The following MDGA1 variants were observed in gnomAD, a reference collection of about 807,000 sequenced individuals.
MDGA1 encodes the protein MAM domain containing glycosylphosphatidylinositol anchor 1, also known as MAM domain-containing glycosylphosphatidylinositol anchor protein 1.
In MDGA1, 54 loss-of-function variants were observed where a neutral mutation model predicts 101.5. That is an observed-to-expected ratio of 0.53 (90% CI 0.43 to 0.67). MDGA1 has a LOEUF of 0.67. MDGA1 is among the 30% of genes least tolerant of loss of function. MDGA1 has a pLI of 0.00. For synonymous variants in MDGA1, 533 were observed against 558.3 expected, an observed-to-expected ratio of 0.95 and a Z score of 0.64; for missense variants, 1,083 against 1,323.8, an observed-to-expected ratio of 0.82 and a Z score of 2.82.
chr6:37,689,924 T>C (rs1762274238), intron 1 of MDGA1, among the ~76,000 whole-genome samples: 1 of 152,012 alleles, frequency 6.6e-6, no homozygotes, highest in Non-Finnish European at 1.5e-5. Context: ...GCCAGAGAGG[T>C]TCTATTAAAA....
Position 37,655,472 on chromosome 6 carries a change from C to A in MDGA1, c.579+228G>T. ...GTGCCTTTTCCTAACTAGCAATGTTCCTGGAGGACATGTTGCCTCGGGGAC... is the reference window on the plus strand; with the variant it reads ...GTGCCTTTTCCTAACTAGCAATGTTACTGGAGGACATGTTGCCTCGGGGAC... On this transcript the variant is annotated intron_variant, in intron 4 of 16. Transcript: ENST00000434837. This position sits in a 1 kb window ranked among gnomAD's most constrained non-coding sequence, Gnocchi z 5.1. The A allele has an allele frequency of 2.0e-6, 1 of 489,872 alleles. No individual in the cohort carries two copies. The highest frequency in any genetic ancestry group is 3.5e-5 in the East Asian group (1 of 28,728). 30.3% of individuals were successfully genotyped at this position (489,872 alleles called of 1,614,324 possible).
chr6:37,645,821 A>G (rs1761179978), intron 12 of MDGA1, 112 bp downstream of exon 12: 2 of 1,265,078 alleles, frequency 1.6e-6, no homozygotes, highest in Admixed American at 3.8e-5. Flanking sequence ...ACACAGGGGG[A>G]ATTCATTTTC....
chr6:37,665,139 C>T (rs1761719151), intron 1 of MDGA1, among the ~76,000 whole-genome samples: 1 of 152,114 alleles, frequency 6.6e-6, no homozygotes, highest in African/African-American at 2.4e-5. Context: ...AATGACTGAA[C>T]TTGCCAAGGT....
At chr6:37,663,177 C>G (rs1761665979) in intron 2 of MDGA1, among the ~76,000 whole-genome samples, 1 of 152,162 alleles carries the variant, frequency 6.6e-6, no homozygotes, top group Admixed American at 6.5e-5. Context: ...TCCCTTCAGC[C>G]CACCTCCTCC....
At chr6:37,648,788 G>A (rs1385879173) in intron 9 of MDGA1, among the ~76,000 whole-genome samples, 194 bp downstream of exon 9, 1 of 152,226 alleles carries the variant, frequency 6.6e-6, no homozygotes, top group African/African-American at 2.4e-5. Flanking sequence ...CCCAGGTTGG[G>A]ATCCGAGTGG....
In MDGA1 at chr6:37,632,767, G is replaced by T; in HGVS notation, c.*4601C>A. Reference sequence around the variant, plus strand: ...TGGGCTGGGGTGGTCAGACATGTGGGCCTGGGCATGAGGAGTTTTGGCTTT... The same window carrying T: ...TGGGCTGGGGTGGTCAGACATGTGGTCCTGGGCATGAGGAGTTTTGGCTTT... On this transcript the variant is annotated 3_prime_UTR_variant, in exon 17 of 17. Transcript: ENST00000434837. 6.5e-6 allele frequency: 1 copy of T among 152,866 alleles called. No individual in the cohort carries two copies. Among genetic ancestry groups the T allele is most frequent in the Middle Eastern group, 3.2e-3 (1 of 312 alleles). 9.5% of individuals were successfully genotyped at this position (152,866 alleles called of 1,614,324 possible).
chr6:37,650,209 T>TCGCTCCAGC lies in MDGA1; in HGVS notation c.1500_1508dup (p.Leu501_Arg503dup). ...AGGTCCCGCTCATGTCTCGGCTCAC[T>TCGCTCCAGC]CGCTCCAGCCGCAGCTTCCCGTCCG... On this transcript the variant is annotated inframe_insertion, in exon 8 of 17. Coordinates refer to ENST00000434837, the MANE Select transcript of MDGA1 (RefSeq NM_153487.4). 1 of 1,612,254 alleles carries TCGCTCCAGC rather than the reference T, an allele frequency of 6.2e-7. No homozygotes were observed.
intron 1 of MDGA1, among the ~76,000 whole-genome samples, chr6:37,671,398 A>G (rs1376769171): frequency 3.3e-5 from 5 of 152,166 alleles, no homozygotes; most frequent in African/African-American, 1.2e-4. Flanking sequence ...ATTAGTGGAG[A>G]AAAGCTTAAT....
Position 37,644,649 on chromosome 6 carries a change from T to C in MDGA1, c.2249A>G (p.Asp750Gly), listed in dbSNP as rs772803184. 48 of 1,574,998 alleles carry C rather than the reference T, an allele frequency of 3.0e-5. 1 individual carries two copies. The highest frequency in any genetic ancestry group is 3.4e-4 in the Middle Eastern group (2 of 5,934). ...TEPINSPNLS[D>G]NTCHFEDEKI... ...CTCATCCTCAAAGTGGCAGGTGTTGTCTGCATTTTATGGGGCGAATGAGAC... is the reference window on the plus strand; with the variant it reads ...CTCATCCTCAAAGTGGCAGGTGTTGCCTGCATTTTATGGGGCGAATGAGAC... The change falls in exon 13 of 17, where the codon GAC becomes GGC. Residue 750 changes from aspartate (D) to glycine (G), a missense_variant and splice_region_variant. Physicochemically the swap from Asp to Gly is moderately conservative, Grantham distance 94. This residue lies in a region of MDGA1 where 657 missense variants were observed against 771.4 expected (regional missense o/e 0.85). Coordinates refer to ENST00000434837, the MANE Select transcript of MDGA1 (RefSeq NM_153487.4).
chr6:37,653,340 G>C (rs952452061), intron 6 of MDGA1, among the ~76,000 whole-genome samples: 2 of 152,212 alleles, frequency 1.3e-5, no homozygotes, highest in Non-Finnish European at 2.9e-5. Context: ...TTCTTGCTCT[G>C]ATTAAGTAAA....
intron 2 of MDGA1, among the ~76,000 whole-genome samples, chr6:37,661,647 C>T (rs1761626261): frequency 6.6e-6 from 1 of 152,120 alleles, no homozygotes; most frequent in Non-Finnish European, 1.5e-5. Flanking sequence ...GATGGGGAGG[C>T]AAGTCTGACT....
At position 37,631,508 on chromosome 6, in the gene MDGA1, G is replaced by A. The variant is rs1012149646; in HGVS notation, c.*5860C>T. ...CAGTTTCCCCATCTGGAACATGGAA[G>A]TGAAACTGCCCAATCGACCTACCTG... is the stretch of plus-strand genomic sequence containing the variant. On this transcript the variant is annotated 3_prime_UTR_variant, in exon 17 of 17. Transcript: ENST00000434837. The A allele has an allele frequency of 1.3e-5, 2 of 152,232 alleles. No homozygotes were observed. The highest frequency in any genetic ancestry group is 4.8e-5 in the African/African-American group (2 of 41,462). 9.4% of individuals were successfully genotyped at this position (152,232 alleles called of 1,614,324 possible).
intron 1 of MDGA1, among the ~76,000 whole-genome samples, chr6:37,695,564 C>T (rs1169694460): frequency 6.6e-6 from 1 of 152,222 alleles, no homozygotes; most frequent in Non-Finnish European, 1.5e-5. Flanking sequence ...CAGGACACCC[C>T]TTCTTCTTGC....
rs1053661071 is a variant in MDGA1 at position 37,636,227 on chromosome 6, G to C, written c.*1141C>G. 1.3e-5 allele frequency: 2 copies of C among 152,798 alleles called. No individual in the cohort carries two copies. Among genetic ancestry groups the C allele is most frequent in the Non-Finnish European group, 2.9e-5 (2 of 68,476 alleles). The allele number at this position is 152,798 out of a possible 1,614,324, so 9.5% of individuals were successfully genotyped here. Reference sequence around the variant, plus strand: ...AGGGATCCCTTTCACAGCTCCCAGAGAGTGAGGGGACTGGCACCTGCTCCC... The same window carrying C: ...AGGGATCCCTTTCACAGCTCCCAGACAGTGAGGGGACTGGCACCTGCTCCC... On this transcript the variant is annotated 3_prime_UTR_variant, in exon 17 of 17. Transcript: ENST00000434837.
Position 37,655,340 on chromosome 6 carries a change from G to A in MDGA1, c.579+360C>T. ...ATCTCCTGGGACTATCAGGGCCCATGGGAAGAGGAGTCATCTCCTCGCCCC... is the reference window on the plus strand; with the variant it reads ...ATCTCCTGGGACTATCAGGGCCCATAGGAAGAGGAGTCATCTCCTCGCCCC... On this transcript the variant is annotated intron_variant, in intron 4 of 16. Coordinates refer to ENST00000434837, the MANE Select transcript of MDGA1 (RefSeq NM_153487.4). The surrounding 1 kb of genome is among the most constrained non-coding windows in gnomAD (Gnocchi z 5.1). 2 of 332,836 alleles carry A rather than the reference G, an allele frequency of 6.0e-6. No individual in the cohort carries two copies. Among genetic ancestry groups the A allele is most frequent in the East Asian group, 1.2e-4 (2 of 16,078 alleles). The allele number at this position is 332,836 out of a possible 1,614,324, so 20.6% of individuals were successfully genotyped here.
rs554282718 is a variant in MDGA1 at position 37,689,282 on chromosome 6, C to T, written c.67+7463G>A. Among the ~76,000 whole-genome samples, 3 of 152,344 alleles carry T rather than the reference C, an allele frequency of 2.0e-5. No homozygotes were observed. In the South Asian group the frequency reaches 6.2e-4, roughly 32 times the overall value. ...TTTTATTCCACCTCATGGTTTCAAC[C>T]CACATCCTTCTGCAGACATAAATCC... On this transcript the variant is annotated intron_variant, in intron 1 of 16. Coordinates refer to ENST00000434837, the MANE Select transcript of MDGA1 (RefSeq NM_153487.4).
At position 37,678,018 on chromosome 6, in the gene MDGA1, C is replaced by T. The variant is rs1408330941; in HGVS notation, c.68-13912G>A. Among the ~76,000 whole-genome samples, 7 of 152,170 alleles carry T rather than the reference C, an allele frequency of 4.6e-5. No homozygotes were observed. The South Asian group carries it at 1.4e-3, about 32-fold the overall frequency. ...CCTCCAGGCCAGGCCTTGGCTTCTA[C>T]CCAGGAGACCACAGGAAAATTAGCT... On this transcript the variant is annotated intron_variant, in intron 1 of 16. Coordinates refer to ENST00000434837, the MANE Select transcript of MDGA1 (RefSeq NM_153487.4).
chr6:37,680,749 C>G (rs1430465088), intron 1 of MDGA1, among the ~76,000 whole-genome samples: 2 of 152,272 alleles, frequency 1.3e-5, no homozygotes, highest in African/African-American at 2.4e-5. Context: ...CAGCAGCCCC[C>G]CTGCCACTTG....
intron 2 of MDGA1, among the ~76,000 whole-genome samples, chr6:37,661,545 T>C (rs1761624055): frequency 6.6e-6 from 1 of 152,142 alleles, no homozygotes; most frequent in South Asian, 2.1e-4. Flanking sequence ...AAATATTTCT[T>C]ATAATGAAAC....
Sources: gnomAD v4.1 joint callset for allele counts (sites outside exome capture counted in the v4.1 genomes callset) on GRCh38, gnomAD v4.1.1 for gene constraint, gnomAD v4.1.1 regional missense constraint, Gnocchi (gnomAD v3.1) non-coding constraint, MANE v1.5 for transcripts, NCBI Gene and HGNC (gene_info 2026-07-23, HGNC 2026-07-21) for gene names.